The following GPATCH8 variants were observed in gnomAD, a reference collection of about 807,000 sequenced individuals.
GPATCH8 encodes the protein G-patch domain containing 8, also known as G patch domain-containing protein 8.
GPATCH8 carries 18 observed loss-of-function variants against 118.3 expected under a neutral mutation model. The observed-to-expected ratio is 0.15, with a 90% CI of 0.11 to 0.23. GPATCH8 has a LOEUF of 0.23. Among genes scored for constraint, GPATCH8 ranks in the 10% least tolerant of loss-of-function variants. The pLI, the probability that GPATCH8 is intolerant of heterozygous loss-of-function variation, is 1.00. For synonymous variants in GPATCH8, 659 were observed against 684.7 expected, an observed-to-expected ratio of 0.96 and a Z score of 0.59; for missense variants, 1,631 against 1,873.8, an observed-to-expected ratio of 0.87 and a Z score of 2.39.
intron 1 of GPATCH8, among the ~76,000 whole-genome samples, chr17:44,479,667 A>T (rs1968054092): frequency 1.3e-5 from 2 of 152,204 alleles, no homozygotes; most frequent in African/African-American, 4.8e-5. Flanking sequence ...CACAATCAAT[A>T]TATGGAATAA....
chr17:44,445,013 A>AT (rs2050827362), intron 3 of GPATCH8, among the ~76,000 whole-genome samples: 2 of 152,190 alleles, frequency 1.3e-5, no homozygotes, highest in African/African-American at 4.8e-5. Context: ...TCAAGGAATT[A>AT]TTTTATCAAG....
At chr17:44,462,962 C>A (rs2051618514) in intron 3 of GPATCH8, among the ~76,000 whole-genome samples, 1 of 149,880 alleles carries the variant, frequency 6.7e-6, no homozygotes, top group Non-Finnish European at 1.5e-5. Context: ...GCCTGGGCGA[C>A]AGAGCGAGAC....
intron 3 of GPATCH8, among the ~76,000 whole-genome samples, chr17:44,454,204 C>T (rs2051241814): frequency 6.6e-6 from 1 of 152,116 alleles, no homozygotes; most frequent in Admixed American, 6.5e-5. Flanking sequence ...AGTGCAGTGG[C>T]ACAATCATAG....
chr17:44,436,636 C>T, intron 3 of GPATCH8, 91 bp from the exon 4 acceptor site: 2 of 775,630 alleles, frequency 2.6e-6, no homozygotes, highest in Non-Finnish European at 4.8e-6. Flanking sequence ...GAGATCTTGC[C>T]TTGGAGTGCA....
intron 2 of GPATCH8, among the ~76,000 whole-genome samples, chr17:44,468,742 C>A (rs1381835131): frequency 1.3e-5 from 2 of 151,742 alleles, no homozygotes; most frequent in African/African-American, 2.4e-5. Flanking sequence ...TTTAAAAACT[C>A]TGGTTAACAA....
intron 6 of GPATCH8, among the ~76,000 whole-genome samples, chr17:44,411,435 AG>A (rs770235099): frequency 6.6e-5 from 10 of 152,224 alleles, no homozygotes; most frequent in Non-Finnish European, 1.3e-4. Context: ...ATTTGACACT[AG>A]GAGTTTATAT....
rs554045315 is a variant in GPATCH8 at position 44,399,694 on chromosome 17, A to T, written c.2383T>A (p.Cys795Ser). ...KHKGELPPSS[C>S]QRRAGTKRSS... is the part of the protein sequence containing the mutation. Reference sequence around the variant, plus strand: ...CGTTTGGTGCCTGCTCTTCGCTGGCAGGATGAAGGTGGAAGTTCACCTTTG... The same window carrying T: ...CGTTTGGTGCCTGCTCTTCGCTGGCTGGATGAAGGTGGAAGTTCACCTTTG... Residue 795 changes from cysteine (C) to serine (S), a missense_variant, in exon 8 of 8, where the codon TGC becomes AGC. Cys to Ser is a moderately radical substitution (Grantham distance 112, BLOSUM62 -1). Around this residue, in one of 8 missense-constraint regions of GPATCH8, gnomAD observed 922 missense variants for 879.7 expected, o/e 1.05. Coordinates refer to ENST00000591680, the MANE Select transcript of GPATCH8 (RefSeq NM_001002909.4). The T allele has an allele frequency of 9.9e-6, 16 of 1,614,136 alleles. No homozygotes were observed. The South Asian group carries it at 1.5e-4, about 16-fold the overall frequency.
intron 3 of GPATCH8, among the ~76,000 whole-genome samples, chr17:44,454,562 G>A (rs1182319993): frequency 6.6e-6 from 1 of 152,070 alleles, no homozygotes; most frequent in East Asian, 1.9e-4. Flanking sequence ...TTCTCATTCA[G>A]TCTCCTCTCC....
chr17:44,461,610 G>C (rs2051552201), intron 3 of GPATCH8, among the ~76,000 whole-genome samples: 1 of 152,086 alleles, frequency 6.6e-6, no homozygotes, highest in Admixed American at 6.6e-5. Flanking sequence ...TGTTACCATG[G>C]AGATGGAGGC....
At chr17:44,423,700 T>C (rs908578757) in intron 6 of GPATCH8, among the ~76,000 whole-genome samples, 18 of 152,314 alleles carry the variant, frequency 1.2e-4, no homozygotes, top group Middle Eastern at 3.4e-3. Context: ...AGGGGGATTA[T>C]TGCCATCTTC....
chr17:44,399,751 T>C lies in GPATCH8; in HGVS notation c.2326A>G (p.Ser776Gly), dbSNP rs2048937850. ...SGKKDEGGGGSSSQDHGGRKH... is the reference protein window; with the variant it reads ...SGKKDEGGGGGSSQDHGGRKH... ...CTCCCACCATGGTCTTGGGAGCTGC[T>C]ACCACCCCCACCTTCATCCTTTTTG... is the stretch of plus-strand genomic sequence containing the variant. Residue 776 changes from serine to glycine, a missense_variant, in exon 8 of 8, where the codon AGC (serine) becomes GGC (glycine). Ser to Gly is a moderately conservative substitution (Grantham distance 56, BLOSUM62 0). Coordinates refer to ENST00000591680, the MANE Select transcript of GPATCH8 (RefSeq NM_001002909.4). 4 of 1,613,776 alleles carry C rather than the reference T, an allele frequency of 2.5e-6. No individual in the cohort carries two copies. The highest frequency in any genetic ancestry group is 1.3e-5 in the African/African-American group (1 of 74,840).
At chr17:44,431,422 C>G (rs1320680227) in intron 5 of GPATCH8, among the ~76,000 whole-genome samples, 1 of 141,888 alleles carries the variant, frequency 7.0e-6, no homozygotes, top group Non-Finnish European at 1.5e-5. Flanking sequence ...CAAAAATCAG[C>G]ATAGTGTTTA....
intron 6 of GPATCH8, among the ~76,000 whole-genome samples, chr17:44,417,855 T>A (rs1365620048): frequency 1.3e-5 from 2 of 152,226 alleles, no homozygotes; most frequent in East Asian, 3.8e-4. Flanking sequence ...TCAACTGTTA[T>A]GTTGAAATGT....
rs141739793 is a variant in GPATCH8, at chr17:44,400,131, C to T, written c.1946G>A (p.Gly649Asp). 909 of 1,613,746 alleles carry T rather than the reference C, an allele frequency of 5.6e-4. No individual in the cohort carries two copies. Among genetic ancestry groups the T allele is most frequent in the Non-Finnish European group, 5.5e-4 (653 of 1,179,964 alleles). ...CSGLNKQEPG[G>D]SHGSETEDTG... is the part of the protein sequence containing the mutation. The stretch of plus-strand genomic sequence containing the variant: ...GTCTTCTGTCTCAGACCCATGGCTA[C>T]CCCCAGGCTCCTGCTTGTTCAGGCC... The change falls in exon 8 of 8, where the codon GGT becomes GAT. Residue 649 changes from glycine (G) to aspartate (D), a missense_variant. Gly to Asp is a moderately conservative substitution (Grantham distance 94, BLOSUM62 -1). Transcript: ENST00000591680.
intron 3 of GPATCH8, among the ~76,000 whole-genome samples, chr17:44,456,171 T>C (rs2051324283): frequency 6.6e-6 from 1 of 152,204 alleles, no homozygotes; most frequent in South Asian, 2.1e-4. Context: ...GGAAGTGCAG[T>C]GGCACATCAC....
chr17:44,456,554 G>C (rs2051339047), intron 3 of GPATCH8, among the ~76,000 whole-genome samples: 1 of 152,026 alleles, frequency 6.6e-6, no homozygotes, highest in Admixed American at 6.5e-5. Context: ...GCACAAGGTG[G>C]GAAGACTGCA....
intron 6 of GPATCH8, among the ~76,000 whole-genome samples, chr17:44,411,533 C>T: frequency 6.6e-6 from 1 of 151,994 alleles, no homozygotes; most frequent in South Asian, 2.1e-4. Context: ...CCATTTTTCT[C>T]ATGTAAAGGG....
At chr17:44,464,888 G>T in intron 2 of GPATCH8, 1 of 291,054 alleles carries the variant, frequency 3.4e-6, no homozygotes. Context: ...TAAAATCAAG[G>T]TACTTATACA....
intron 1 of GPATCH8, among the ~76,000 whole-genome samples, chr17:44,501,443 G>A (rs1970061767): frequency 6.6e-6 from 1 of 151,648 alleles, no homozygotes; most frequent in South Asian, 2.1e-4. Flanking sequence ...TTTCCTGGCT[G>A]ACCCAATTTA....
Sources: allele counts gnomAD v4.1 joint callset (sites outside exome capture counted in the v4.1 genomes callset), GRCh38; gene constraint gnomAD v4.1.1; regional missense constraint gnomAD v4.1.1; transcripts MANE v1.5; gene names NCBI Gene and HGNC (gene_info 2026-07-23, HGNC 2026-07-21).